RCN1: variants seen among roughly 807,000 people sequenced by gnomAD.
The protein encoded by RCN1 is reticulocalbin-1.
A neutral mutation model predicts 34.7 loss-of-function variants in RCN1; 14 were observed. The ratio of observed to expected loss-of-function variants is 0.40; its 90% confidence interval spans 0.27 to 0.63. The LOEUF (loss-of-function observed/expected upper bound fraction) is 0.63. Ranked by LOEUF, RCN1 falls within the 30% of genes least tolerant of loss-of-function variation. The probability of loss-of-function intolerance (pLI) is 0.37; values close to 1 mark genes in which losing one functional copy is unlikely to be tolerated. For missense variants in RCN1, 326 were observed against 425.1 expected (o/e 0.77, Z 2.05); for synonymous variants, 125 against 165.5 (o/e 0.76, Z 1.88).
rs779537677 is a variant in RCN1, at chr11:32,103,406, T to G, written c.814T>G (p.Trp272Gly). The G allele has an allele frequency of 1.9e-6, 3 of 1,613,912 alleles. No individual in the cohort carries two copies. The East Asian group carries it at 6.7e-5, about 36-fold the overall frequency. Residue 272 changes from tryptophan (W) to glycine (G), a missense_variant, in exon 5 of 6, where the codon TGG becomes GGG. Trp to Gly is a radical substitution (Grantham distance 184, BLOSUM62 -2). Coordinates refer to ENST00000054950, the MANE Select transcript of RCN1 (RefSeq NM_002901.4). ...GTTAGACAAAGATGAGATTCGCCAC[T>G]GGATCCTCCCTCAAGATTATGATCA... ...GKLDKDEIRH[W>G]ILPQDYDHAQ...
At chr11:32,091,480 G>A (rs1565349115) in intron 1 of RCN1, 30 bp downstream of exon 1, 2 of 1,536,404 alleles carry the variant, frequency 1.3e-6, no homozygotes, top group Non-Finnish European at 8.8e-7. Flanking sequence ...CCCGTGGGGG[G>A]CGGCGCAGGT....
intron 4 of RCN1, 184 bp from the exon 5 acceptor site, chr11:32,103,097 G>A: frequency 1.5e-6 from 1 of 671,338 alleles, no homozygotes; most frequent in Non-Finnish European, 2.7e-6. Flanking sequence ...CCACCACATG[G>A]CCTTCATCAT....
chr11:32,093,966 G>A (rs887855472), intron 1 of RCN1, among the ~76,000 whole-genome samples: 12 of 152,178 alleles, frequency 7.9e-5, no homozygotes, highest in African/African-American at 2.9e-4. Flanking sequence ...GACTCAATGA[G>A]GGGGAGAAGA....
Position 32,091,100 on chromosome 11 carries a change from C to G in RCN1, c.-97C>G. On this transcript the variant is annotated 5_prime_UTR_variant, in exon 1 of 6. Coordinates refer to ENST00000054950, the MANE Select transcript of RCN1 (RefSeq NM_002901.4). ...GTCCCCTCCTCCGCGCCGGCCCCAA[C>G]CCTGTCGCTGCCGCCGCGCTCCGAG... The G allele has an allele frequency of 7.5e-7, 1 of 1,338,128 alleles. No individual in the cohort carries two copies. The highest frequency in any genetic ancestry group is 9.6e-7 in the Non-Finnish European group (1 of 1,043,284). 82.9% of individuals were successfully genotyped at this position (1,338,128 alleles called of 1,614,324 possible). A position where few individuals can be genotyped will look rare whatever the true frequency, so the allele number is the denominator to read the frequency against.
At chr11:32,097,955 T>G (rs223067) in intron 2 of RCN1, among the ~76,000 whole-genome samples, 21,300 of 152,204 alleles carry the variant, frequency 0.14, 1,585 homozygotes, top group East Asian at 0.29. Context: ...AAAGATGCAC[T>G]CACGCGGCCA....
chr11:32,100,645 A>C (rs774776987), intron 4 of RCN1, 37 bp downstream of exon 4: 4 of 1,554,836 alleles, frequency 2.6e-6, no homozygotes, highest in Middle Eastern at 1.7e-4. Flanking sequence ...AGCTGTCCTG[A>C]CTGGGCCACA....
rs753801546 is a variant in RCN1 at position 32,103,268 on chromosome 11, C to G, written c.689-13C>G. The stretch of plus-strand genomic sequence containing the variant: ...CACTTTCCTTTGTAACCAACAATAA[C>G]CTTCCCTTCTAGCGGATATGTTTTC... On this transcript the variant is annotated splice_polypyrimidine_tract_variant and intron_variant, in intron 4 of 5. Coordinates refer to ENST00000054950, the MANE Select transcript of RCN1 (RefSeq NM_002901.4). 60 of 1,612,924 alleles carry G rather than the reference C, an allele frequency of 3.7e-5. No individual in the cohort carries two copies. The highest frequency in any genetic ancestry group is 4.9e-5 in the Non-Finnish European group (58 of 1,178,996).
intron 1 of RCN1, among the ~76,000 whole-genome samples, chr11:32,092,953 C>T (rs1851937975): frequency 6.6e-6 from 1 of 152,204 alleles, no homozygotes; most frequent in Non-Finnish European, 1.5e-5. Context: ...AAAGTCACCT[C>T]CAAACAATTA....
At chr11:32,103,545 T>C in intron 5 of RCN1, 65 bp downstream of exon 5, 4 of 1,474,578 alleles carry the variant, frequency 2.7e-6, no homozygotes, top group Non-Finnish European at 3.8e-6. Context: ...CGGTTTTGTT[T>C]GCTTTTTCGG....
intron 4 of RCN1, 122 bp downstream of exon 4, chr11:32,100,730 C>A: frequency 1.4e-6 from 1 of 690,122 alleles, no homozygotes; most frequent in Admixed American, 2.4e-5. Context: ...TACGTCACTC[C>A]TGGGAGCTTC....
chr11:32,097,235 A>G lies in RCN1; in HGVS notation c.346A>G (p.Ile116Val), dbSNP rs148327924. ...TWIKRVQKRY[I>V]FDNVAKVWKD... ...GATCAAACGGGTGCAGAAAAGATAC[A>G]TCTTTGATAATGTCGCCAAAGTCTG... is the stretch of plus-strand genomic sequence containing the variant. The change falls in exon 2 of 6, where the codon ATC becomes GTC. Residue 116 changes from isoleucine to valine, a missense_variant. Transcript: ENST00000054950. 9.4e-5 allele frequency: 152 copies of G among 1,608,626 alleles called. No individual in the cohort carries two copies. Among genetic ancestry groups the G allele is most frequent in the Non-Finnish European group, 1.5e-5 (18 of 1,178,454 alleles).
intron 4 of RCN1, chr11:32,103,043 A>C: frequency 1.6e-6 from 1 of 617,530 alleles, no homozygotes; most frequent in African/African-American, 1.8e-5. Context: ...CTAAGTCAAA[A>C]GCCGGGATTT....
chr11:32,091,471 C>T, intron 1 of RCN1, 21 bp downstream of exon 1: 1 of 1,537,858 alleles, frequency 6.5e-7, no homozygotes, highest in South Asian at 1.2e-5. Flanking sequence ...GGCCAGGGCC[C>T]CGTGGGGGGC....
intron 1 of RCN1, among the ~76,000 whole-genome samples, chr11:32,095,528 C>G (rs1370637187): frequency 3.9e-5 from 6 of 152,156 alleles, no homozygotes; most frequent in Non-Finnish European, 8.8e-5. Flanking sequence ...CTGCTTCAGC[C>G]TCCCGAGTAG....
chr11:32,100,414 C>A, intron 3 of RCN1, 134 bp from the exon 4 acceptor site: 1 of 687,808 alleles, frequency 1.5e-6, no homozygotes, highest in Non-Finnish European at 2.6e-6. Flanking sequence ...AACTAGTTCC[C>A]AGGGAAGTAA....
intron 1 of RCN1, among the ~76,000 whole-genome samples, chr11:32,092,711 TG>T (rs1302199362): frequency 2.0e-5 from 3 of 151,988 alleles, no homozygotes; most frequent in South Asian, 2.1e-4. Context: ...GAGGCAGGGC[TG>T]GGGAAGAAAC....
chr11:32,093,482 C>T (rs989865915), intron 1 of RCN1, among the ~76,000 whole-genome samples: 1 of 152,132 alleles, frequency 6.6e-6, no homozygotes, highest in Non-Finnish European at 1.5e-5. Context: ...GAGAAGGAGC[C>T]GCCAAGGCTG....
intron 5 of RCN1, 35 bp from the exon 6 acceptor site, chr11:32,104,330 G>T (rs1277616002): frequency 8.0e-7 from 1 of 1,252,866 alleles, no homozygotes; most frequent in South Asian, 1.2e-5. Context: ...AGTTACCAGA[G>T]CTTCCATGAC....
At chr11:32,099,613 T>C (rs1216963500) in intron 3 of RCN1, among the ~76,000 whole-genome samples, 1 of 152,186 alleles carries the variant, frequency 6.6e-6, no homozygotes, top group Non-Finnish European at 1.5e-5. Context: ...AATGTCTTCA[T>C]TTTCCATGAC....
Sources: allele counts gnomAD v4.1 joint callset (sites outside exome capture counted in the v4.1 genomes callset), GRCh38; gene constraint gnomAD v4.1.1; transcripts MANE v1.5; gene names NCBI Gene and HGNC (gene_info 2026-07-23, HGNC 2026-07-21).